The following ELF1 variants were observed in gnomAD, a reference collection of about 807,000 sequenced individuals.
ELF1 encodes the protein ETS-related transcription factor Elf-1.
ELF1 carries 24 observed loss-of-function variants against 59.9 expected under a neutral mutation model. That is an observed-to-expected ratio of 0.40 (90% CI 0.29 to 0.56). The LOEUF (loss-of-function observed/expected upper bound fraction) is 0.56. Ranked by LOEUF, ELF1 falls within the 20% of genes least tolerant of loss-of-function variation. ELF1 has a pLI of 0.44. For synonymous variants in ELF1, 248 were observed against 266.2 expected (o/e 0.93, Z 0.67); for missense variants, 627 against 742.2 (o/e 0.84, Z 1.80).
intron 5 of ELF1, among the ~76,000 whole-genome samples, chr13:40,944,628 G>A (rs1031138095): frequency 1.3e-5 from 2 of 152,100 alleles, no homozygotes; most frequent in South Asian, 4.1e-4. Context: ...TTCTAAAGCC[G>A]TATTTGTGAT....
chr13:41,022,556 A>C (rs371942533), upstream of ELF1, among the ~76,000 whole-genome samples: 37 of 152,364 alleles, frequency 2.4e-4, 2 homozygotes, highest in South Asian at 7.2e-3. Context: ...TACTGCATAT[A>C]AACCATACCT....
intron 1 of ELF1, among the ~76,000 whole-genome samples, chr13:41,041,273 A>C (rs925789940): frequency 3.9e-5 from 6 of 151,970 alleles, no homozygotes; most frequent in Non-Finnish European, 5.9e-5. Context: ...AAAAAAAAAA[A>C]AAAAAACCTA....
intron 1 of ELF1, among the ~76,000 whole-genome samples, chr13:41,005,042 A>G (rs1874661555): frequency 6.6e-6 from 1 of 152,202 alleles, no homozygotes; most frequent in Non-Finnish European, 1.5e-5. Context: ...GGAAGCACAG[A>G]GTAAGATATG....
At chr13:40,972,081 C>T (rs2138237737) in intron 2 of ELF1, among the ~76,000 whole-genome samples, 1 of 152,076 alleles carries the variant, frequency 6.6e-6, no homozygotes, top group Non-Finnish European at 1.5e-5. Context: ...CCATATAACT[C>T]AAAGAATTTT....
chr13:41,060,860 C>A (rs1055439065), exon 1 of ELF1: 2 of 326,500 alleles, frequency 6.1e-6, no homozygotes, highest in South Asian at 5.0e-5. Flanking sequence ...AGTGCCTCTG[C>A]CTCCTTCGCC....
rs1214050365 is a variant in ELF1 at position 40,956,580 on chromosome 13, A to G, written c.253+2256T>C. Among the ~76,000 whole-genome samples, 10 of 149,894 alleles carry G rather than the reference A, an allele frequency of 6.7e-5. No individual in the cohort carries two copies. In the South Asian group the frequency reaches 1.5e-3, roughly 22 times the overall value. On this transcript the variant is annotated intron_variant, in intron 3 of 8. Transcript: ENST00000239882. ...AACACCCAAGAATGATCAAAAAAAA[A>G]AAAAAAAAAAAAAAGAAAGTTGGAA...
At chr13:40,977,131 C>T (rs538105977) in intron 2 of ELF1, among the ~76,000 whole-genome samples, 5 of 151,910 alleles carry the variant, frequency 3.3e-5, no homozygotes, top group Middle Eastern at 3.4e-3. Context: ...TAAACTATGC[C>T]GGCTGTTCTT....
In ELF1 at chr13:40,982,051, C is replaced by A; in HGVS notation, c.4G>T (p.Ala2Ser). 6.2e-7 allele frequency: 1 copy of A among 1,611,744 alleles called. No individual in the cohort carries two copies. Among genetic ancestry groups the A allele is most frequent in the South Asian group, 1.1e-5 (1 of 90,724 alleles). The change falls in exon 2 of 9, where the codon GCT becomes TCT. Residue 2 changes from alanine (A) to serine (S), a missense_variant. Physicochemically the swap from Ala to Ser is moderately conservative, Grantham distance 99. Coordinates refer to ENST00000239882, the MANE Select transcript of ELF1 (RefSeq NM_172373.4). MAAVVQQNDLVF... is the reference protein window; with the variant it reads MSAVVQQNDLVF... The stretch of plus-strand genomic sequence containing the variant: ...AGGTCGTTCTGTTGGACAACAGCAG[C>A]CATAATAAAGCATTCCCCTTAGATC...
At chr13:40,947,367 C>A (rs1870570899) in intron 5 of ELF1, among the ~76,000 whole-genome samples, 3 of 152,170 alleles carry the variant, frequency 2.0e-5, no homozygotes, top group African/African-American at 7.2e-5. Flanking sequence ...CATGGTGAAA[C>A]CTCATCTCTA....
intron 1 of ELF1, among the ~76,000 whole-genome samples, chr13:41,037,139 T>C (rs1244842329): frequency 6.6e-6 from 1 of 151,678 alleles, no homozygotes; most frequent in Admixed American, 6.6e-5. Flanking sequence ...ACCTTAAAAG[T>C]ATTTTAGACT....
chr13:41,044,174 T>G (rs958499226), intron 1 of ELF1, among the ~76,000 whole-genome samples: 4 of 152,242 alleles, frequency 2.6e-5, no homozygotes, highest in Admixed American at 6.5e-5. Flanking sequence ...TAAAGTTGCT[T>G]ATCAGCTTAA....
intron 2 of ELF1, among the ~76,000 whole-genome samples, chr13:40,973,177 T>A (rs1254247116): frequency 6.6e-6 from 1 of 152,236 alleles, no homozygotes; most frequent in Non-Finnish European, 1.5e-5. Context: ...GCTTCTTTCC[T>A]AACTTTAATC....
At chr13:40,953,003 T>G (rs930973290) in intron 3 of ELF1, among the ~76,000 whole-genome samples, 1 of 143,562 alleles carries the variant, frequency 7.0e-6, no homozygotes, top group African/African-American at 2.6e-5. Context: ...TGAGACAAAG[T>G]TTCAATCTTG....
chr13:41,057,149 G>A (rs1875223906), intron 1 of ELF1, among the ~76,000 whole-genome samples: 2 of 92,322 alleles, frequency 2.2e-5, no homozygotes, highest in Admixed American at 1.8e-4. Context: ...GAACTTTCAC[G>A]TCTTTTTTTT....
At chr13:41,004,184 T>C (rs1874619128) in intron 1 of ELF1, among the ~76,000 whole-genome samples, 1 of 152,000 alleles carries the variant, frequency 6.6e-6, no homozygotes, top group South Asian at 2.1e-4. Flanking sequence ...AACAGATAAT[T>C]ACAAAACAAT....
intron 1 of ELF1, among the ~76,000 whole-genome samples, chr13:41,050,494 T>C (rs991492160): frequency 6.6e-6 from 1 of 152,242 alleles, no homozygotes; most frequent in African/African-American, 2.4e-5. Context: ...CTCTGAGACC[T>C]TGCTTTCAAT....
At chr13:41,022,937 G>A (rs550822713), upstream of ELF1, among the ~76,000 whole-genome samples, 2 of 152,172 alleles carry the variant, frequency 1.3e-5, no homozygotes, top group Admixed American at 1.3e-4. Flanking sequence ...AGAACAGAAA[G>A]AAAGAAAGGA....
chr13:40,968,721 C>CTT (rs35089615), intron 2 of ELF1, among the ~76,000 whole-genome samples: 10 of 137,368 alleles, frequency 7.3e-5, no homozygotes, highest in African/African-American at 2.1e-4. Flanking sequence ...TTTCTATATT[C>CTT]TTTTTTTTTT....
intron 1 of ELF1, among the ~76,000 whole-genome samples, chr13:41,041,588 T>A (rs2138420884): frequency 6.6e-6 from 1 of 152,140 alleles, no homozygotes; most frequent in East Asian, 1.9e-4. Context: ...GAAGAAAGGA[T>A]CACTTGAGCT....
Sources: gnomAD v4.1 joint callset for allele counts (sites outside exome capture counted in the v4.1 genomes callset) on GRCh38, gnomAD v4.1.1 for gene constraint, MANE v1.5 for transcripts, NCBI Gene and HGNC (gene_info 2026-07-23, HGNC 2026-07-21) for gene names.